The following SOX6 variants were observed in gnomAD, a reference collection of about 807,000 sequenced individuals.
SOX6 encodes the protein SRY-box transcription factor 6.
A neutral mutation model predicts 97.8 loss-of-function variants in SOX6; 11 were observed. That is an observed-to-expected ratio of 0.11 (90% CI 0.07 to 0.19). The LOEUF (loss-of-function observed/expected upper bound fraction) is 0.19. SOX6 is among the 10% of genes least tolerant of loss of function. The pLI, the probability that SOX6 is intolerant of heterozygous loss-of-function variation, is 1.00. For synonymous variants in SOX6, 360 were observed against 371.4 expected (o/e 0.97, Z 0.35); for missense variants, 810 against 1,039.5 (o/e 0.78, Z 3.04).
intron 3 of SOX6, among the ~76,000 whole-genome samples, chr11:16,687,471 G>C (rs1195182473): frequency 6.6e-6 from 1 of 152,100 alleles, no homozygotes; most frequent in Non-Finnish European, 1.5e-5. Flanking sequence ...GTAGAGACAG[G>C]GTTTCACCAT....
At chr11:16,399,649 T>C (rs542868346) in intron 1 of SOX6, among the ~76,000 whole-genome samples, 7 of 151,604 alleles carry the variant, frequency 4.6e-5, no homozygotes, top group South Asian at 4.1e-4. Context: ...ATAATCAGAT[T>C]AACCTGAGTT....
intron 2 of SOX6, among the ~76,000 whole-genome samples, chr11:16,339,215 T>C (rs1856555365): frequency 6.6e-6 from 1 of 152,038 alleles, no homozygotes; most frequent in Non-Finnish European, 1.5e-5. Context: ...ACTTTATCTG[T>C]TTGAAATGTT....
intron 4 of SOX6, among the ~76,000 whole-genome samples, chr11:16,514,552 T>C (rs1157020237): frequency 6.6e-6 from 1 of 152,076 alleles, no homozygotes; most frequent in East Asian, 1.9e-4. Context: ...TTTTTTTTTC[T>C]TTTATTATTA....
intron 12 of SOX6, among the ~76,000 whole-genome samples, chr11:16,017,044 A>G (rs987932408): frequency 2.6e-5 from 4 of 152,112 alleles, no homozygotes; most frequent in Non-Finnish European, 5.9e-5. Context: ...AAGAATATCA[A>G]TATTTTGACA....
At chr11:16,661,041 T>A (rs1258346092) in intron 3 of SOX6, among the ~76,000 whole-genome samples, 1 of 152,238 alleles carries the variant, frequency 6.6e-6, no homozygotes, top group Non-Finnish European at 1.5e-5. Flanking sequence ...TACTGATAAA[T>A]GTGTGTTAAA....
At chr11:16,329,644 A>G (rs1856220784) in intron 2 of SOX6, among the ~76,000 whole-genome samples, 1 of 152,204 alleles carries the variant, frequency 6.6e-6, no homozygotes, top group Non-Finnish European at 1.5e-5. Context: ...ATAGTACAGT[A>G]AAGAATTTAT....
chr11:16,124,986 T>G (rs916305111), intron 6 of SOX6, among the ~76,000 whole-genome samples: 1 of 151,992 alleles, frequency 6.6e-6, no homozygotes, highest in Non-Finnish European at 1.5e-5. Flanking sequence ...TCCTCTCCGC[T>G]CAAGTAGAAG....
At chr11:16,517,578 C>T (rs1565169451) in intron 4 of SOX6, among the ~76,000 whole-genome samples, 1 of 152,144 alleles carries the variant, frequency 6.6e-6, no homozygotes, top group Non-Finnish European at 1.5e-5. Flanking sequence ...AAGAGCCAGA[C>T]ATGCTAGCAA....
At chr11:16,280,487 T>A (rs1854523067) in intron 3 of SOX6, among the ~76,000 whole-genome samples, 1 of 152,128 alleles carries the variant, frequency 6.6e-6, no homozygotes, top group Middle Eastern at 3.4e-3. Flanking sequence ...AAGTTGTCAG[T>A]CAGGGCCGCA....
intron 4 of SOX6, among the ~76,000 whole-genome samples, chr11:16,197,848 C>T (rs1851824630): frequency 6.6e-6 from 1 of 152,092 alleles, no homozygotes; most frequent in African/African-American, 2.4e-5. Context: ...TTTGAACATG[C>T]TAAAGTAGAA....
intron 1 of SOX6, among the ~76,000 whole-genome samples, chr11:16,369,080 C>A (rs967814428): frequency 1.3e-5 from 2 of 151,696 alleles, no homozygotes; most frequent in East Asian, 3.9e-4. Context: ...AAAAGGAAAC[C>A]AACCAAACAA....
chr11:16,047,133 A>C (rs1178778237), intron 11 of SOX6, among the ~76,000 whole-genome samples: 1 of 152,132 alleles, frequency 6.6e-6, no homozygotes, highest in Non-Finnish European at 1.5e-5. Flanking sequence ...TGCTGTGATA[A>C]TACAACACAG....
chr11:16,636,757 T>C (rs755123759), intron 3 of SOX6, among the ~76,000 whole-genome samples: 1 of 152,164 alleles, frequency 6.6e-6, no homozygotes, highest in Non-Finnish European at 1.5e-5. Flanking sequence ...GATGTTCTCA[T>C]GATAGTGAAT....
At chr11:16,036,715 T>C (rs866859421) in intron 12 of SOX6, among the ~76,000 whole-genome samples, 7 of 152,218 alleles carry the variant, frequency 4.6e-5, no homozygotes, top group South Asian at 4.1e-4. Flanking sequence ...AAAGTTCAGA[T>C]AGCTTTTAAG....
At chr11:16,436,996 C>T (rs1223837456) in intron 1 of SOX6, among the ~76,000 whole-genome samples, 1 of 151,892 alleles carries the variant, frequency 6.6e-6, no homozygotes, top group Admixed American at 6.6e-5. Context: ...GTGGCTCAAA[C>T]CTGTAATCCC....
intron 1 of SOX6, among the ~76,000 whole-genome samples, chr11:16,451,930 C>A (rs1050158348): frequency 1.6e-4 from 24 of 151,402 alleles, no homozygotes; most frequent in Non-Finnish European, 4.4e-5. Context: ...GCTACTCAAG[C>A]CATGGTCATG....
intron 1 of SOX6, among the ~76,000 whole-genome samples, chr11:16,367,382 T>A (rs548116030): frequency 2.6e-5 from 4 of 152,184 alleles, no homozygotes; most frequent in Non-Finnish European, 5.9e-5. Flanking sequence ...GCTAGATTTA[T>A]GATAGGCTAG....
At chr11:16,471,460 T>C (rs981243466) in intron 1 of SOX6, among the ~76,000 whole-genome samples, 7 of 151,148 alleles carry the variant, frequency 4.6e-5, no homozygotes, top group Non-Finnish European at 8.9e-5. Context: ...ACAGACAGAC[T>C]TGCACACCTT....
intron 3 of SOX6, among the ~76,000 whole-genome samples, chr11:16,254,202 A>C (rs985635894): frequency 2.6e-5 from 4 of 152,048 alleles, no homozygotes; most frequent in Non-Finnish European, 5.9e-5. Context: ...TTGCCAGGAG[A>C]TGTTGAAGTT....
Sources: allele counts gnomAD v4.1 joint callset (sites outside exome capture counted in the v4.1 genomes callset), GRCh38; gene constraint gnomAD v4.1.1; transcripts MANE v1.5; gene names NCBI Gene and HGNC (gene_info 2026-07-23, HGNC 2026-07-21).